Variants in KLHL29 observed in about 807,000 individuals in gnomAD.
The protein encoded by KLHL29 is kelch-like protein 29.
A neutral mutation model predicts 80.4 loss-of-function variants in KLHL29; 21 were observed. That is an observed-to-expected ratio of 0.26 (90% CI 0.19 to 0.38). The LOEUF (loss-of-function observed/expected upper bound fraction) is 0.38, where lower values mean the gene tolerates loss of function less well. KLHL29 is among the 10% of genes least tolerant of loss of function. KLHL29 has a pLI of 1.00. For missense variants in KLHL29, 867 were observed against 1,223.9 expected (o/e 0.71, Z 4.35); for synonymous variants, 511 against 526.8 (o/e 0.97, Z 0.41).
intron 1 of KLHL29, among the ~76,000 whole-genome samples, chr2:23,430,428 G>A (rs141700700): frequency 5.1e-4 from 77 of 152,258 alleles, no homozygotes; most frequent in African/African-American, 1.8e-3. Flanking sequence ...ATGAGATGAC[G>A]CATGTTCTAA....
chr2:23,487,218 G>T (rs2103445816), intron 2 of KLHL29, among the ~76,000 whole-genome samples: 1 of 152,166 alleles, frequency 6.6e-6, no homozygotes, highest in Admixed American at 6.5e-5. Flanking sequence ...GCCCTAGATG[G>T]GTCCCAGGAG....
chr2:23,560,263 CTTTTTTTT>C lies in KLHL29; in HGVS notation c.-45-1870_-45-1863del, dbSNP rs67065961. Among the ~76,000 whole-genome samples, 656 of 73,280 alleles carry C rather than the reference CTTTTTTTT, an allele frequency of 9.0e-3. 1 individual carries two copies. Among genetic ancestry groups the C allele is most frequent in the Non-Finnish European group, 0.012 (509 of 42,892 alleles). The allele number at this position is 73,280 out of a possible 152,430, so 48.1% of individuals were successfully genotyped here. A position where few individuals can be genotyped will look rare whatever the true frequency, so the allele number is the denominator to read the frequency against. On this transcript the variant is annotated intron_variant, in intron 2 of 13. Coordinates refer to ENST00000486442, the MANE Select transcript of KLHL29 (RefSeq NM_052920.2). ...TTTTAACCATGTAATATTGGATAGG[CTTTTTTTT>C]TTTTTTTTTTTTTTTTTTGAGACGG... is the stretch of plus-strand genomic sequence containing the variant.
At chr2:23,550,920 A>C (rs888731353) in intron 2 of KLHL29, among the ~76,000 whole-genome samples, 1 of 152,240 alleles carries the variant, frequency 6.6e-6, no homozygotes, top group African/African-American at 2.4e-5. Flanking sequence ...GGGAGGGGGT[A>C]AGCCTGCTTG....
At chr2:23,678,871 G>A (rs894631828) in intron 5 of KLHL29, among the ~76,000 whole-genome samples, 1 of 152,146 alleles carries the variant, frequency 6.6e-6, no homozygotes, top group African/African-American at 2.4e-5. Context: ...AACTCATAGA[G>A]ACAGAAAGTA....
At chr2:23,486,375 C>G (rs1019694228) in intron 2 of KLHL29, among the ~76,000 whole-genome samples, 1 of 151,792 alleles carries the variant, frequency 6.6e-6, no homozygotes, top group African/African-American at 2.4e-5. Flanking sequence ...CCCACGATTG[C>G]CACTGACAGG....
chr2:23,686,296 G>A (rs769653565), intron 6 of KLHL29, among the ~76,000 whole-genome samples: 11 of 152,120 alleles, frequency 7.2e-5, no homozygotes, highest in Non-Finnish European at 1.5e-4. Context: ...ACAGTAGGAT[G>A]TGTCTCGGTG....
chr2:23,608,869 GATA>G (rs375080716), intron 3 of KLHL29, among the ~76,000 whole-genome samples: 361 of 152,184 alleles, frequency 2.4e-3, no homozygotes, highest in Admixed American at 4.4e-3. Context: ...TAACGATAAA[GATA>G]ATAATAATAA....
chr2:23,495,798 C>T (rs938551846), intron 2 of KLHL29, among the ~76,000 whole-genome samples: 2 of 152,208 alleles, frequency 1.3e-5, no homozygotes, highest in Non-Finnish European at 2.9e-5. Flanking sequence ...AGTCTAATCC[C>T]GCCACGACTG....
chr2:23,440,187 A>G (rs963305382), intron 1 of KLHL29, among the ~76,000 whole-genome samples: 3 of 152,196 alleles, frequency 2.0e-5, no homozygotes, highest in African/African-American at 7.2e-5. Flanking sequence ...ATCTACAACT[A>G]TCTGATCTTC....
At chr2:23,394,221 C>T (rs1465798677) in intron 1 of KLHL29, among the ~76,000 whole-genome samples, 3 of 152,214 alleles carry the variant, frequency 2.0e-5, no homozygotes, top group Non-Finnish European at 4.4e-5. Flanking sequence ...TTTACCTTCA[C>T]TTTTCACGTC....
chr2:23,599,033 T>G (rs586617), intron 3 of KLHL29, among the ~76,000 whole-genome samples: 4,319 of 152,330 alleles, frequency 0.028, 188 homozygotes, highest in African/African-American at 0.096. Context: ...TCCCAGGCAT[T>G]CTTTCCTATT....
At chr2:23,685,394 A>G (rs1170715356) in intron 6 of KLHL29, 1 of 152,362 alleles carries the variant, frequency 6.6e-6, no homozygotes, top group Non-Finnish European at 1.5e-5. Context: ...CCCTCAGCAG[A>G]TTAACGCCGC....
At chr2:23,516,123 T>C (rs1393603062) in intron 2 of KLHL29, among the ~76,000 whole-genome samples, 2 of 152,182 alleles carry the variant, frequency 1.3e-5, no homozygotes, top group African/African-American at 4.8e-5. Flanking sequence ...GACTTGAGTT[T>C]CAGTGAGAAC....
At chr2:23,554,687 G>A (rs11678752) in intron 2 of KLHL29, among the ~76,000 whole-genome samples, 21,373 of 152,200 alleles carry the variant, frequency 0.14, 1,970 homozygotes, top group Middle Eastern at 0.31. Flanking sequence ...CTGTTCCTGA[G>A]CAGGCACTCT....
chr2:23,699,727 A>G (rs1267037079), intron 11 of KLHL29, among the ~76,000 whole-genome samples: 1 of 152,090 alleles, frequency 6.6e-6, no homozygotes, highest in East Asian at 1.9e-4. Flanking sequence ...CTGATGGAGG[A>G]AATCCCACCC....
At chr2:23,637,693 T>G in intron 3 of KLHL29, among the ~76,000 whole-genome samples, 1 of 152,012 alleles carries the variant, frequency 6.6e-6, no homozygotes. Context: ...TTGCCCAGCC[T>G]CCGCATCCAC....
In KLHL29 at chr2:23,638,579, T is replaced by C. The variant is rs568255435; in HGVS notation, c.286-560T>C. 1.1e-3 allele frequency among the ~76,000 whole-genome samples: 163 copies of C among 152,276 alleles called. 1 individual carries two copies. Among genetic ancestry groups the C allele is most frequent in the South Asian group, 6.2e-3 (30 of 4,820 alleles). ...TCCCCACTTCCCCACACTTCCTCCATAGGACAATTGGGCCTCAGAGGCTGG... is the reference window on the plus strand; with the variant it reads ...TCCCCACTTCCCCACACTTCCTCCACAGGACAATTGGGCCTCAGAGGCTGG... On this transcript the variant is annotated intron_variant, in intron 3 of 13. Coordinates refer to ENST00000486442, the MANE Select transcript of KLHL29 (RefSeq NM_052920.2).
chr2:23,554,841 G>A (rs1356386544), intron 2 of KLHL29, among the ~76,000 whole-genome samples: 4 of 152,120 alleles, frequency 2.6e-5, no homozygotes, highest in South Asian at 4.1e-4. Flanking sequence ...GTGGGTCTGC[G>A]TGGCAGGGCT....
intron 1 of KLHL29, among the ~76,000 whole-genome samples, chr2:23,469,156 A>G (rs1475102725): frequency 1.3e-5 from 2 of 152,322 alleles, no homozygotes; most frequent in African/African-American, 2.4e-5. Flanking sequence ...CTGTGTCCAC[A>G]CTGGAGTCAG....
Sources: gnomAD v4.1 joint callset for allele counts (sites outside exome capture counted in the v4.1 genomes callset) on GRCh38, gnomAD v4.1.1 for gene constraint, MANE v1.5 for transcripts, NCBI Gene and HGNC (gene_info 2026-07-23, HGNC 2026-07-21) for gene names.